RARB: variants seen among roughly 807,000 people sequenced by gnomAD.
RARB encodes the protein HBV-activated protein.
A neutral mutation model predicts 51.9 loss-of-function variants in RARB; 17 were observed. The observed-to-expected ratio is 0.33, with a 90% confidence interval of 0.22 to 0.49. The LOEUF (loss-of-function observed/expected upper bound fraction) is 0.49. Among genes scored for constraint, RARB ranks in the 20% least tolerant of loss-of-function variants. The pLI is 0.99. For missense variants in RARB, 369 were observed against 550.8 expected (o/e 0.67, Z 3.30); for synonymous variants, 215 against 195.4 (o/e 1.10, Z -0.84).
At chr3:25,524,796 C>T (rs1287134057) in intron 3 of RARB, among the ~76,000 whole-genome samples, 1 of 152,082 alleles carries the variant, frequency 6.6e-6, no homozygotes, top group East Asian at 1.9e-4. Context: ...GAGGCACAAT[C>T]TTGGTTCACT....
intron 2 of RARB, among the ~76,000 whole-genome samples, chr3:24,913,974 G>T (rs1695054092): frequency 6.6e-6 from 1 of 152,128 alleles, no homozygotes; most frequent in Non-Finnish European, 1.5e-5. Context: ...TTTTCTCTAT[G>T]CGATGGAAAT....
At chr3:25,313,600 C>A (rs1365926566) in intron 5 of RARB, among the ~76,000 whole-genome samples, 1 of 152,176 alleles carries the variant, frequency 6.6e-6, no homozygotes. Context: ...TCTTCTCCAC[C>A]TTTCTCCTAT....
chr3:24,900,145 T>G (rs536418371), intron 2 of RARB, among the ~76,000 whole-genome samples: 5 of 152,348 alleles, frequency 3.3e-5, no homozygotes, highest in African/African-American at 1.2e-4. Flanking sequence ...TTTTTCTTAT[T>G]AAGGAGAAAA....
chr3:25,256,325 G>A (rs1045686917), intron 5 of RARB, among the ~76,000 whole-genome samples: 3 of 152,116 alleles, frequency 2.0e-5, no homozygotes, highest in Non-Finnish European at 4.4e-5. Flanking sequence ...AGAACACACT[G>A]TTACCTTTAC....
chr3:25,165,723 C>T (rs1441574719), intron 4 of RARB, among the ~76,000 whole-genome samples: 1 of 152,130 alleles, frequency 6.6e-6, no homozygotes, highest in Non-Finnish European at 1.5e-5. Flanking sequence ...TAGGTGAAGC[C>T]TGACTTCAGC....
intron 5 of RARB, among the ~76,000 whole-genome samples, chr3:25,257,795 C>T (rs188867040): frequency 7.2e-5 from 11 of 152,150 alleles, no homozygotes; most frequent in African/African-American, 2.4e-4. Flanking sequence ...CTTATTTCTT[C>T]CCAAACCTTC....
rs540932843 is a variant in RARB at position 25,484,863 on chromosome 3, T to A, written c.307-16319T>A. 7.4e-4 allele frequency among the ~76,000 whole-genome samples: 113 copies of A among 152,292 alleles called. 1 individual carries two copies. Among genetic ancestry groups the A allele is most frequent in the African/African-American group, 2.5e-3 (103 of 41,566 alleles). On this transcript the variant is annotated intron_variant, in intron 2 of 7. Transcript: ENST00000330688. Reference sequence around the variant, plus strand: ...TTTTTTTTAACCTCCATTGTCATATTTATGGAAACACACGAATGCTGGAGT... The same window carrying A: ...TTTTTTTTAACCTCCATTGTCATATATATGGAAACACACGAATGCTGGAGT...
chr3:25,552,120 C>T (rs569409524), intron 3 of RARB, among the ~76,000 whole-genome samples: 15 of 152,118 alleles, frequency 9.9e-5, no homozygotes, highest in Non-Finnish European at 1.9e-4. Flanking sequence ...TAGTTGACCA[C>T]GGGCCCCTCT....
chr3:25,340,189 G>C (rs1705188279), intron 5 of RARB, among the ~76,000 whole-genome samples: 1 of 152,076 alleles, frequency 6.6e-6, no homozygotes, highest in Admixed American at 6.6e-5. Flanking sequence ...CACTGCACTG[G>C]GCTGACTACA....
chr3:25,085,270 T>C (rs1204912582), intron 3 of RARB, among the ~76,000 whole-genome samples: 1 of 152,168 alleles, frequency 6.6e-6, no homozygotes, highest in East Asian at 1.9e-4. Context: ...AGCCATAAAA[T>C]GGTAACACAT....
chr3:24,872,887 C>T (rs77822947), intron 2 of RARB, among the ~76,000 whole-genome samples: 3,811 of 152,260 alleles, frequency 0.025, 79 homozygotes, highest in Middle Eastern at 0.058. Flanking sequence ...CTCATCCCTG[C>T]GCGTTGACTC....
chr3:25,523,680 C>T (rs1698507177), intron 3 of RARB, among the ~76,000 whole-genome samples: 3 of 152,036 alleles, frequency 2.0e-5, no homozygotes, highest in Admixed American at 2.0e-4. Context: ...GTGGTTCCCT[C>T]AAAAAAGGCT....
chr3:25,513,777 G>A (rs1330950061), intron 3 of RARB, among the ~76,000 whole-genome samples: 3 of 151,992 alleles, frequency 2.0e-5, no homozygotes, highest in Non-Finnish European at 2.9e-5. Context: ...GACACACTCA[G>A]ATTGTAAGAC....
At chr3:25,059,817 A>G (rs557569258) in intron 2 of RARB, among the ~76,000 whole-genome samples, 2 of 151,924 alleles carry the variant, frequency 1.3e-5, no homozygotes, top group African/African-American at 4.8e-5. Context: ...GTTTGCTATA[A>G]TCTCTGATGA....
intron 2 of RARB, among the ~76,000 whole-genome samples, chr3:25,032,951 G>T (rs1279267685): frequency 6.6e-6 from 1 of 152,148 alleles, no homozygotes; most frequent in Non-Finnish European, 1.5e-5. Flanking sequence ...CAACCCATAA[G>T]CAGTACTCAG....
chr3:25,192,627 T>G (rs1701130943), intron 5 of RARB, among the ~76,000 whole-genome samples: 1 of 152,072 alleles, frequency 6.6e-6, no homozygotes, highest in African/African-American at 2.4e-5. Context: ...TTTAAAAGTT[T>G]TTGGTTTGCC....
chr3:25,447,513 C>T lies in RARB; in HGVS notation c.158-13680C>T, dbSNP rs912210555. On this transcript the variant is annotated intron_variant, in intron 1 of 7. Transcript: ENST00000330688. Reference sequence around the variant, plus strand: ...TGGCAGGTGCTCAATAAATGTTTGTCAGCAGTTGATGTTGCTGACTGATAA... The same window carrying T: ...TGGCAGGTGCTCAATAAATGTTTGTTAGCAGTTGATGTTGCTGACTGATAA... 2.0e-5 allele frequency among the ~76,000 whole-genome samples: 3 copies of T among 152,312 alleles called. No individual in the cohort carries two copies. In the East Asian group the frequency reaches 5.8e-4, roughly 29 times the overall value.
At chr3:25,097,707 A>C (rs1254782459) in intron 3 of RARB, among the ~76,000 whole-genome samples, 1 of 152,140 alleles carries the variant, frequency 6.6e-6, no homozygotes, top group African/African-American at 2.4e-5. Flanking sequence ...ATTCCTGGAC[A>C]TGTCCCAGAC....
rs555404213 is a variant in RARB, at chr3:25,283,273, C to T, written c.178+108698C>T. Among the ~76,000 whole-genome samples the T allele has an allele frequency of 7.2e-5, 11 of 152,296 alleles. No homozygotes were observed. In the South Asian group the frequency reaches 2.1e-3, roughly 29 times the overall value. ...ACCTCTCACTTTTGCCAGCCTGAAC[C>T]AGGCAAAAGAGCAGAGCTGGGCTTG... On this transcript the variant is annotated intron_variant, in intron 5 of 11. Transcript: ENST00000383772.
Sources: allele counts gnomAD v4.1 joint callset (sites outside exome capture counted in the v4.1 genomes callset), GRCh38; gene constraint gnomAD v4.1.1; transcripts MANE v1.5; gene names NCBI Gene and HGNC (gene_info 2026-07-23, HGNC 2026-07-21).